ADAMTS17: variants seen among roughly 807,000 people sequenced by gnomAD.
ADAMTS17 encodes ADAM metallopeptidase with thrombospondin type 1 motif 17.
Under a neutral mutation model 141.5 loss-of-function variants are expected in ADAMTS17, and 113 were observed. That is an observed-to-expected ratio of 0.80 (90% CI 0.69 to 0.93). The LOEUF is 0.93. Among genes scored for constraint, ADAMTS17 ranks in the 40% least tolerant of loss-of-function variants. The pLI, the probability that ADAMTS17 is intolerant of heterozygous loss-of-function variation, is 0.00. For missense variants in ADAMTS17, 1,659 were observed against 1,517.9 expected, an observed-to-expected ratio of 1.09 and a Z score of -1.54; for synonymous variants, 768 against 630.6, an observed-to-expected ratio of 1.22 and a Z score of -3.27.
rs1160509052 is a variant in ADAMTS17 at position 100,262,351 on chromosome 15, C to T, written c.873+1G>A. The T allele has an allele frequency of 1.2e-5, 19 of 1,613,318 alleles. No homozygotes were observed. The highest frequency in any genetic ancestry group is 2.2e-5 in the East Asian group (1 of 44,878). The stretch of plus-strand genomic sequence containing the variant: ...CTTGAAAGGTGCCTGTGGGGACTTA[C>T]GGGACGTTGTCGTAGCAGGACAAGC... On this transcript the variant is annotated splice_donor_variant, in intron 5 of 21. Transcript: ENST00000268070. LOFTEE classifies it high-confidence loss of function.
At chr15:100,208,046 C>G (rs1328213734) in intron 7 of ADAMTS17, among the ~76,000 whole-genome samples, 1 of 152,146 alleles carries the variant, frequency 6.6e-6, no homozygotes, top group African/African-American at 2.4e-5. Flanking sequence ...CCCAGGGAAT[C>G]CCAAAGAACT....
intron 3 of ADAMTS17, among the ~76,000 whole-genome samples, chr15:100,291,779 A>G (rs978726022): frequency 4.6e-5 from 7 of 152,246 alleles, no homozygotes; most frequent in African/African-American, 1.2e-4. Context: ...TATAAGTGGG[A>G]GTTAAACACT....
At chr15:100,057,061 G>A (rs1299215886) in intron 15 of ADAMTS17, among the ~76,000 whole-genome samples, 1 of 152,108 alleles carries the variant, frequency 6.6e-6, no homozygotes, top group African/African-American at 2.4e-5. Flanking sequence ...GCTGCCTGCA[G>A]TGTGTGAGGC....
In ADAMTS17 at chr15:99,983,146, T is replaced by G. The variant is rs765478969; in HGVS notation, c.2950-6924A>C. Among the ~76,000 whole-genome samples, 5 of 152,274 alleles carry G rather than the reference T, an allele frequency of 3.3e-5. No homozygotes were observed. In the South Asian group the frequency reaches 1.0e-3, roughly 32 times the overall value. ...CAAGCGTTACTAGCTTCTTTAATAA[T>G]AACAGTAACGGCAGTCACCGTCGCA... On this transcript the variant is annotated intron_variant, in intron 20 of 21. Coordinates refer to ENST00000268070, the MANE Select transcript of ADAMTS17 (RefSeq NM_139057.4).
At chr15:100,267,605 G>A (rs1444024186) in intron 4 of ADAMTS17, among the ~76,000 whole-genome samples, 2 of 152,044 alleles carry the variant, frequency 1.3e-5, no homozygotes, top group Non-Finnish European at 2.9e-5. Flanking sequence ...CTGAAGTTTG[G>A]GATACGAATC....
Position 100,024,217 on chromosome 15 carries a change from C to T in ADAMTS17, c.2591+24640G>A, listed in dbSNP as rs144364110. On this transcript the variant is annotated intron_variant, in intron 18 of 21. Transcript: ENST00000268070. ...AAGCAATTCTCCTGCGTCGGCCTCC[C>T]GAATAGCTGGGACTACAAGCACATG... 3.2e-3 allele frequency among the ~76,000 whole-genome samples: 491 copies of T among 152,218 alleles called. 4 individuals are homozygous for T. Among genetic ancestry groups the T allele is most frequent in the African/African-American group, 0.011 (471 of 41,532 alleles).
chr15:100,233,560 G>C (rs998746913), intron 7 of ADAMTS17, among the ~76,000 whole-genome samples: 3 of 152,122 alleles, frequency 2.0e-5, no homozygotes, highest in Non-Finnish European at 4.4e-5. Context: ...AAAACTCATT[G>C]CATCTCTCAT....
intron 7 of ADAMTS17, among the ~76,000 whole-genome samples, chr15:100,222,695 G>A (rs1173240390): frequency 6.6e-6 from 1 of 152,206 alleles, no homozygotes; most frequent in Non-Finnish European, 1.5e-5. Flanking sequence ...ACGACTGAGG[G>A]GTCATGCCTG....
chr15:100,132,429 C>T (rs113755005), intron 11 of ADAMTS17, among the ~76,000 whole-genome samples: 1 of 152,206 alleles, frequency 6.6e-6, no homozygotes, highest in Non-Finnish European at 1.5e-5. Flanking sequence ...GATGAATCTA[C>T]GTAGCTCTTG....
intron 18 of ADAMTS17, among the ~76,000 whole-genome samples, chr15:100,020,705 AAG>A (rs1018896377): frequency 6.6e-6 from 1 of 152,152 alleles, no homozygotes; most frequent in African/African-American, 2.4e-5. Flanking sequence ...TGAACTTGAA[AAG>A]AGGTTTCCCA....
At position 99,985,178 on chromosome 15, in the gene ADAMTS17, T is replaced by G. The variant is rs867913945; in HGVS notation, c.2949+7870A>C. On this transcript the variant is annotated intron_variant, in intron 20 of 21. Transcript: ENST00000268070. Reference sequence around the variant, plus strand: ...CACACAGTGTTCCACACCAAAGAAGTGTCTGTCCCCGCTCCTTTTTGCCCC... The same window carrying G: ...CACACAGTGTTCCACACCAAAGAAGGGTCTGTCCCCGCTCCTTTTTGCCCC... Among the ~76,000 whole-genome samples, 42 of 152,346 alleles carry G rather than the reference T, an allele frequency of 2.8e-4. No homozygotes were observed. The Middle Eastern group carries it at 0.01, about 37-fold the overall frequency.
intron 4 of ADAMTS17, among the ~76,000 whole-genome samples, chr15:100,269,325 T>C (rs1022568547): frequency 1.3e-5 from 2 of 152,206 alleles, no homozygotes; most frequent in African/African-American, 4.8e-5. Flanking sequence ...AAACTATCAG[T>C]TCATTTCTTT....
At chr15:100,011,403 GGAGGAAAGGAAAGAAGAAAGGGAGGAAT>G (rs932945613) in intron 18 of ADAMTS17, among the ~76,000 whole-genome samples, 2 of 86,314 alleles carry the variant, frequency 2.3e-5, no homozygotes, top group East Asian at 3.1e-4. Flanking sequence ...AGGGAAGGAA[GGAGGAAAGGAAAGAAGAAAGGGAGGAAT>G]GAGGAAAGGA....
At position 99,993,269 on chromosome 15, in the gene ADAMTS17, C is replaced by T. The variant is rs1279388401; in HGVS notation, c.2797-69G>A. ...TCAAGTCCATCAACAGCTATTAACT[C>T]CCTCCAATGTGCCAGGTGCGGTGTG... On this transcript the variant is annotated intron_variant, in intron 19 of 21. Transcript: ENST00000268070. This position sits in a 1 kb window ranked among gnomAD's most constrained non-coding sequence, Gnocchi z 4.3. The T allele has an allele frequency of 1.3e-6, 2 of 1,595,710 alleles. No homozygotes were observed.
chr15:100,273,400 T>C (rs959401068), intron 4 of ADAMTS17, among the ~76,000 whole-genome samples: 1 of 152,200 alleles, frequency 6.6e-6, no homozygotes, highest in Admixed American at 6.5e-5. Context: ...CTTCAAATTT[T>C]CTATTTCTTT....
At chr15:100,130,900 T>C (rs1335309147) in intron 12 of ADAMTS17, among the ~76,000 whole-genome samples, 1 of 152,116 alleles carries the variant, frequency 6.6e-6, no homozygotes, top group African/African-American at 2.4e-5. Flanking sequence ...CATTCTACCA[T>C]AAAGACACAC....
rs192365132 is a variant in ADAMTS17 at position 100,092,002 on chromosome 15, C to T, written c.2137+4354G>A. Among the ~76,000 whole-genome samples, 208 of 152,234 alleles carry T rather than the reference C, an allele frequency of 1.4e-3. 1 individual carries two copies. Among genetic ancestry groups the T allele is most frequent in the African/African-American group, 4.8e-3 (198 of 41,536 alleles). On this transcript the variant is annotated intron_variant, in intron 15 of 21. Coordinates refer to ENST00000268070, the MANE Select transcript of ADAMTS17 (RefSeq NM_139057.4). Reference sequence around the variant, plus strand: ...AGAATGGGAGGTCAGTGTAGACAAACGAAGACCAGAAGGGTGTTACCAAAT... The same window carrying T: ...AGAATGGGAGGTCAGTGTAGACAAATGAAGACCAGAAGGGTGTTACCAAAT...
At position 100,048,970 on chromosome 15, in the gene ADAMTS17, C is replaced by T. The variant is rs200164355; in HGVS notation, c.2478G>A (p.Ser826=). ...TGGTCTTGTTGACAATCCGTGTACA[C>T]GAGACGATGGTTCTGCGCTCCCCTG... is the stretch of plus-strand genomic sequence containing the variant. The part of the protein sequence containing the change: ...CGGGERRTIV[S]CTRIVNKTTT... The change falls in exon 18 of 22, where the codon TCG becomes TCA. Residue 826 remains serine, a synonymous_variant. Coordinates refer to ENST00000268070, the MANE Select transcript of ADAMTS17 (RefSeq NM_139057.4). 3.3e-5 allele frequency: 54 copies of T among 1,614,132 alleles called. No homozygotes were observed. Among genetic ancestry groups the T allele is most frequent in the African/African-American group, 2.7e-4 (20 of 75,014 alleles).
At chr15:100,054,144 G>C (rs886318201) in intron 15 of ADAMTS17, 90 bp from the exon 16 acceptor site, 10 of 1,478,210 alleles carry the variant, frequency 6.8e-6, no homozygotes, top group African/African-American at 1.4e-5. Context: ...CCCCTGAGTG[G>C]GGCAGAGGTC....
Sources: gnomAD v4.1 joint callset for allele counts (sites outside exome capture counted in the v4.1 genomes callset) on GRCh38, gnomAD v4.1.1 for gene constraint, Gnocchi (gnomAD v3.1) non-coding constraint, MANE v1.5 for transcripts, NCBI Gene and HGNC (gene_info 2026-07-23, HGNC 2026-07-21) for gene names.